Variants in EDA observed in about 807,000 individuals in gnomAD.
The protein encoded by EDA is ectodysplasin-A.
In EDA, 2 loss-of-function variants were observed where a neutral mutation model predicts 23.6. That is an observed-to-expected ratio of 0.08 (90% CI 0.03 to 0.27). The LOEUF (loss-of-function observed/expected upper bound fraction) is 0.27. EDA is among the 10% of genes least tolerant of loss of function. The pLI, the probability that EDA is intolerant of heterozygous loss-of-function variation, is 1.00. For missense variants in EDA, 229 were observed against 324.2 expected, an observed-to-expected ratio of 0.71 and a Z score of 2.26; for synonymous variants, 131 against 132.0, an observed-to-expected ratio of 0.99 and a Z score of 0.05.
At chrX:69,694,839 T>G (rs1454419638) in intron 1 of EDA, among the ~76,000 whole-genome samples, 3 of 112,312 alleles carry the variant, frequency 2.7e-5, no homozygotes, top group Non-Finnish European at 5.6e-5. Context: ...GCTTTACTTA[T>G]TATTTGACAA....
At chrX:69,962,069 A>G (rs763472329) in intron 2 of EDA, among the ~76,000 whole-genome samples, 1 of 112,473 alleles carries the variant, frequency 8.9e-6, no homozygotes, top group African/African-American at 3.2e-5. Flanking sequence ...AGAATTCCCA[A>G]GGAGGTAGTT....
chrX:69,862,185 C>T (rs1319781078), intron 1 of EDA, among the ~76,000 whole-genome samples: 1 of 110,902 alleles, frequency 9.0e-6, no homozygotes, highest in East Asian at 2.8e-4. Context: ...CGCAGGAGTC[C>T]TCAGTTCTCC....
At chrX:69,788,595 A>T (rs1474843621) in intron 1 of EDA, among the ~76,000 whole-genome samples, 1 of 111,888 alleles carries the variant, frequency 8.9e-6, no homozygotes, top group Non-Finnish European at 1.9e-5. Flanking sequence ...CCTCCCAGTT[A>T]GGCTGCTCAG....
intron 1 of EDA, among the ~76,000 whole-genome samples, chrX:69,744,630 C>A (rs753919539): frequency 1.2e-3 from 132 of 112,065 alleles, no homozygotes; most frequent in Non-Finnish European, 1.7e-3. Flanking sequence ...TGGGCTTAAA[C>A]CCCCAAATGG....
chrX:69,908,471 G>GTATA (rs750685735), intron 1 of EDA, among the ~76,000 whole-genome samples: 23 of 103,555 alleles, frequency 2.2e-4, no homozygotes, highest in Non-Finnish European at 3.0e-4. Context: ...GATATAAAAA[G>GTATA]TATATATATA....
At chrX:69,894,554 CA>C (rs942100785) in intron 1 of EDA, among the ~76,000 whole-genome samples, 2 of 111,550 alleles carry the variant, frequency 1.8e-5, no homozygotes, top group Admixed American at 9.5e-5. Context: ...AATGTTTTTC[CA>C]TTTGTTTATG....
chrX:69,888,793 T>C (rs1217833055), intron 1 of EDA, among the ~76,000 whole-genome samples: 3 of 104,395 alleles, frequency 2.9e-5, no homozygotes, highest in Non-Finnish European at 5.9e-5. Context: ...CCACTGAATG[T>C]ATACATACTA....
intron 1 of EDA, among the ~76,000 whole-genome samples, chrX:69,626,012 A>G (rs1006535029): frequency 9.0e-6 from 1 of 111,628 alleles, no homozygotes; most frequent in African/African-American, 3.2e-5. Flanking sequence ...ATATGAACAG[A>G]TATTATACCA....
At chrX:69,903,562 C>G (rs1450105220) in intron 1 of EDA, among the ~76,000 whole-genome samples, 3 of 102,870 alleles carry the variant, frequency 2.9e-5, no homozygotes, top group Non-Finnish European at 3.9e-5. Flanking sequence ...CATCATCACC[C>G]CTACCAGGCC....
chrX:69,706,463 G>T (rs770106351), intron 1 of EDA, among the ~76,000 whole-genome samples: 3 of 111,809 alleles, frequency 2.7e-5, no homozygotes, highest in Non-Finnish European at 3.8e-5. Flanking sequence ...ATCCAAATAT[G>T]AGTCACCATG....
At chrX:69,685,292 T>A (rs976252466) in intron 1 of EDA, among the ~76,000 whole-genome samples, 4 of 112,479 alleles carry the variant, frequency 3.6e-5, no homozygotes, top group African/African-American at 1.3e-4. Flanking sequence ...ATTCAACTAA[T>A]TTTTTGTTCT....
At chrX:69,696,057 T>C (rs1235592660) in intron 1 of EDA, among the ~76,000 whole-genome samples, 2 of 109,595 alleles carry the variant, frequency 1.8e-5, no homozygotes, top group Non-Finnish European at 3.8e-5. Context: ...CTGACCAACA[T>C]AGTGAAACCC....
intron 1 of EDA, among the ~76,000 whole-genome samples, chrX:69,945,093 T>C (rs1359042725): frequency 1.8e-5 from 2 of 112,251 alleles, no homozygotes; most frequent in African/African-American, 3.2e-5. Context: ...TTTCCTACCC[T>C]CTTCACTGCC....
intron 1 of EDA, among the ~76,000 whole-genome samples, chrX:69,909,000 CTG>C (rs753320394): frequency 1.5e-3 from 167 of 110,617 alleles, no homozygotes; most frequent in Middle Eastern, 9.4e-3. Context: ...TCTTCCAACT[CTG>C]AGATTTTATG....
At chrX:69,886,798 C>G (rs1220689755) in intron 1 of EDA, among the ~76,000 whole-genome samples, 1 of 111,569 alleles carries the variant, frequency 9.0e-6, no homozygotes, top group Non-Finnish European at 1.9e-5. Flanking sequence ...CCACATTACC[C>G]AGTTCAAACC....
chrX:70,032,941 AAG>A (rs1040636886), intron 6 of EDA, among the ~76,000 whole-genome samples: 4 of 112,859 alleles, frequency 3.5e-5, no homozygotes, highest in African/African-American at 9.7e-5. Context: ...CTTAAGGAGA[AAG>A]AGAAAACCCA....
intron 1 of EDA, among the ~76,000 whole-genome samples, chrX:69,713,524 C>G (rs1331791594): frequency 9.0e-6 from 1 of 111,712 alleles, no homozygotes; most frequent in Non-Finnish European, 1.9e-5. Flanking sequence ...TGTGTACCCT[C>G]CCTTTACCCC....
intron 1 of EDA, among the ~76,000 whole-genome samples, chrX:69,810,901 G>T (rs1281656380): frequency 2.7e-5 from 3 of 111,679 alleles, no homozygotes; most frequent in African/African-American, 9.8e-5. Context: ...GTTTCCTCTG[G>T]ACATTTAAAA....
chrX:69,982,333 T>TC (rs1400624790), intron 2 of EDA, among the ~76,000 whole-genome samples: 1 of 110,569 alleles, frequency 9.0e-6, no homozygotes, highest in Non-Finnish European at 1.9e-5. Flanking sequence ...CTTACATCTT[T>TC]CCCCCCAAGA....
Sources: allele counts gnomAD v4.1 joint callset (sites outside exome capture counted in the v4.1 genomes callset), GRCh38; gene constraint gnomAD v4.1.1; transcripts MANE v1.5; gene names NCBI Gene and HGNC (gene_info 2026-07-23, HGNC 2026-07-21).